Variants in VIT observed in about 807,000 individuals in gnomAD.
VIT encodes vitrin.
In VIT, 99 loss-of-function variants were observed where a neutral mutation model predicts 78.0. That is an observed-to-expected ratio of 1.27 (90% CI 1.08 to 1.50). VIT has a LOEUF of 1.50. Ranked by LOEUF, VIT falls within the 40% of genes most tolerant of loss-of-function variation. VIT has a pLI of 0.00. For synonymous variants in VIT, 374 were observed against 334.3 expected, an observed-to-expected ratio of 1.12 and a Z score of -1.29; for missense variants, 1,126 against 875.3, an observed-to-expected ratio of 1.29 and a Z score of -3.61.
chr2:36,781,690 A>G, intron 9 of VIT, 37 bp from the exon 10 acceptor site: 1 of 1,612,900 alleles, frequency 6.2e-7, no homozygotes, highest in Non-Finnish European at 8.5e-7. Context: ...GTTTGGTTTA[A>G]GTAACAAGTT....
chr2:36,801,203 G>C, intron 12 of VIT, 98 bp from the exon 13 acceptor site: 1 of 1,104,656 alleles, frequency 9.1e-7, no homozygotes, highest in Non-Finnish European at 1.4e-6. Flanking sequence ...CTTTGAAGCA[G>C]CTTCTATTTG....
At chr2:36,803,864 CCAGA>C (rs760389737) in intron 13 of VIT, among the ~76,000 whole-genome samples, 1 of 152,122 alleles carries the variant, frequency 6.6e-6, no homozygotes, top group Non-Finnish European at 1.5e-5. Flanking sequence ...GCCCTTCTAT[CCAGA>C]CAGATACTTA....
At chr2:36,787,540 A>G (rs1665188801) in intron 12 of VIT, among the ~76,000 whole-genome samples, 1 of 152,224 alleles carries the variant, frequency 6.6e-6, no homozygotes, top group South Asian at 2.1e-4. Context: ...TTTGTCTGGA[A>G]AACAGGAGAG....
intron 1 of VIT, among the ~76,000 whole-genome samples, chr2:36,715,915 A>T (rs551960628): frequency 6.6e-6 from 1 of 152,304 alleles, no homozygotes; most frequent in South Asian, 2.1e-4. Context: ...TTCAATTTTT[A>T]GCACTTTCTA....
At chr2:36,760,669 T>C (rs934018696) in intron 6 of VIT, among the ~76,000 whole-genome samples, 1 of 152,176 alleles carries the variant, frequency 6.6e-6, no homozygotes, top group Non-Finnish European at 1.5e-5. Context: ...GACTGATTCC[T>C]GGGTAGGTGA....
chr2:36,776,890 C>G (rs1026544325), intron 9 of VIT, among the ~76,000 whole-genome samples: 2 of 151,546 alleles, frequency 1.3e-5, no homozygotes, highest in Admixed American at 6.6e-5. Context: ...GAGATCGAGA[C>G]CATCCCGGCT....
intron 3 of VIT, among the ~76,000 whole-genome samples, chr2:36,737,298 C>T (rs752062128): frequency 3.9e-5 from 6 of 152,060 alleles, no homozygotes; most frequent in Non-Finnish European, 8.8e-5. Flanking sequence ...TGAGGAGTCA[C>T]GGAAATGCAG....
chr2:36,734,806 C>G (rs1667412488), intron 3 of VIT, among the ~76,000 whole-genome samples: 1 of 152,114 alleles, frequency 6.6e-6, no homozygotes, highest in Non-Finnish European at 1.5e-5. Flanking sequence ...CCAGTGCCCC[C>G]CATGGATGTT....
Position 36,744,153 on chromosome 2 carries a change from G to A in VIT, c.275+897G>A, listed in dbSNP as rs1667998689. Reference sequence around the variant, plus strand: ...AGGACAAAATTTGCTCTTTTTTATGGCTGCATAGTATTCCATGGTGTATAT... The same window carrying A: ...AGGACAAAATTTGCTCTTTTTTATGACTGCATAGTATTCCATGGTGTATAT... On this transcript the variant is annotated intron_variant, in intron 4 of 15. Coordinates refer to ENST00000379242, the MANE Select transcript of VIT (RefSeq NM_053276.4). 2.0e-5 allele frequency among the ~76,000 whole-genome samples: 3 copies of A among 152,224 alleles called. No individual in the cohort carries two copies. In the South Asian group the frequency reaches 6.2e-4, roughly 32 times the overall value.
intron 4 of VIT, among the ~76,000 whole-genome samples, chr2:36,754,564 T>G (rs1308447402): frequency 2.6e-5 from 4 of 152,236 alleles, no homozygotes; most frequent in African/African-American, 9.6e-5. Flanking sequence ...AAATTCATTC[T>G]GTGCCATCAC....
intron 6 of VIT, among the ~76,000 whole-genome samples, chr2:36,764,943 T>C (rs1298678616): frequency 1.3e-5 from 2 of 151,940 alleles, no homozygotes; most frequent in African/African-American, 4.8e-5. Flanking sequence ...TGCTATCTTC[T>C]TGGTCTGCTG....
chr2:36,734,807 C>G (rs1404779920), intron 3 of VIT, among the ~76,000 whole-genome samples: 2 of 152,134 alleles, frequency 1.3e-5, no homozygotes, highest in Non-Finnish European at 2.9e-5. Context: ...CAGTGCCCCC[C>G]ATGGATGTTA....
chr2:36,762,115 G>A (rs1232566486), intron 6 of VIT, among the ~76,000 whole-genome samples: 2 of 152,194 alleles, frequency 1.3e-5, no homozygotes, highest in Non-Finnish European at 2.9e-5. Context: ...GTTCTCCGCA[G>A]CAGAGACAAT....
At chr2:36,757,078 G>C (rs901218415) in intron 5 of VIT, among the ~76,000 whole-genome samples, 1 of 152,144 alleles carries the variant, frequency 6.6e-6, no homozygotes, top group Admixed American at 6.5e-5. Context: ...AGCCTCTCTC[G>C]AATGGATGAG....
intron 3 of VIT, among the ~76,000 whole-genome samples, chr2:36,733,566 G>A (rs1211439245): frequency 7.9e-6 from 1 of 126,400 alleles, no homozygotes; most frequent in East Asian, 2.1e-4. Flanking sequence ...AAGATATGAA[G>A]AGAGAAGAGA....
intron 12 of VIT, among the ~76,000 whole-genome samples, chr2:36,790,322 G>C (rs1665401814): frequency 6.6e-6 from 1 of 152,064 alleles, no homozygotes; most frequent in South Asian, 2.1e-4. Context: ...ACACCTCTCT[G>C]CCTCTCCATT....
intron 9 of VIT, among the ~76,000 whole-genome samples, chr2:36,780,568 T>C (rs1248995766): frequency 1.1e-4 from 16 of 152,172 alleles, no homozygotes; most frequent in Admixed American, 1.0e-3. Flanking sequence ...GGTATGTGAC[T>C]AGCTCAAGGT....
chr2:36,703,105 C>A (rs1665169090), intron 1 of VIT, among the ~76,000 whole-genome samples: 1 of 152,212 alleles, frequency 6.6e-6, no homozygotes, highest in African/African-American at 2.4e-5. Context: ...ACATCAGCCC[C>A]AGAGACACAA....
intron 12 of VIT, among the ~76,000 whole-genome samples, chr2:36,799,718 GA>G (rs11444036): frequency 1.2e-4 from 17 of 144,752 alleles, no homozygotes; most frequent in South Asian, 4.4e-4. Flanking sequence ...CCCTGTCTCT[GA>G]AAAAAAAAAA....
Sources: allele counts gnomAD v4.1 joint callset (sites outside exome capture counted in the v4.1 genomes callset), GRCh38; gene constraint gnomAD v4.1.1; transcripts MANE v1.5; gene names NCBI Gene and HGNC (gene_info 2026-07-23, HGNC 2026-07-21).